PAX6: variants seen among roughly 807,000 people sequenced by gnomAD.
PAX6 encodes the protein paired box 6, also known as paired box protein Pax-6.
Under a neutral mutation model 60.7 loss-of-function variants are expected in PAX6, and 7 were observed. The observed-to-expected ratio is 0.12, with a 90% CI of 0.07 to 0.22. The LOEUF is 0.22. Among genes scored for constraint, PAX6 ranks in the 10% least tolerant of loss-of-function variants. PAX6 has a pLI of 1.00. For missense variants in PAX6, 355 were observed against 555.2 expected (o/e 0.64, Z 3.62); for synonymous variants, 208 against 201.2 (o/e 1.03, Z -0.29).
Position 31,800,796 on chromosome 11 carries a change from C to A in PAX6, c.460G>T (p.Asp154Tyr). The change falls in exon 8 of 14, where the codon GAC (aspartate) becomes TAC (tyrosine). Residue 154 changes from aspartate to tyrosine, a missense_variant. Physicochemically the swap from Asp to Tyr is radical, Grantham distance 160. Coordinates refer to ENST00000640368, the MANE Select transcript of PAX6 (RefSeq NM_001368894.2). ...ATCCTTAGTTTATCATACATGCCGTCTGCGCCCATCTGTTGCTTTTCGCTA... is the reference window on the plus strand; with the variant it reads ...ATCCTTAGTTTATCATACATGCCGTATGCGCCCATCTGTTGCTTTTCGCTA... ...LASEKQQMGA[D>Y]GMYDKLRMLN... The A allele has an allele frequency of 3.1e-6, 5 of 1,614,234 alleles. No individual in the cohort carries two copies. Among genetic ancestry groups the A allele is most frequent in the Non-Finnish European group, 4.2e-6 (5 of 1,180,036 alleles).
Position 31,794,309 on chromosome 11 carries a change from T to G in PAX6, c.725-195A>C, listed in dbSNP as rs147854685. 281 of 655,964 alleles carry G rather than the reference T, an allele frequency of 4.3e-4. 1 individual carries two copies. The African/African-American group carries it at 4.8e-3, about 11-fold the overall frequency. The allele number at this position is 655,964 out of a possible 1,614,324, so 40.6% of individuals were successfully genotyped here. On this transcript the variant is annotated intron_variant, in intron 9 of 13. Coordinates refer to ENST00000640368, the MANE Select transcript of PAX6 (RefSeq NM_001368894.2). Reference sequence around the variant, plus strand: ...AGTTAAATTTTCTTTGGAATGGCATTCAGTGACCTTTCTGTGGCCTGAAAT... The same window carrying G: ...AGTTAAATTTTCTTTGGAATGGCATGCAGTGACCTTTCTGTGGCCTGAAAT...
At chr11:31,802,478 A>G (rs1254905260) in intron 5 of PAX6, 1 of 516,766 alleles carries the variant, frequency 1.9e-6, no homozygotes, top group Non-Finnish European at 3.4e-6. Context: ...TTTCTGAAGC[A>G]GATGAGTTAT....
chr11:31,790,548 C>CTAATTAGCTTAACT (rs1949561368), intron 13 of PAX6, 162 bp downstream of exon 13: 2 of 954,938 alleles, frequency 2.1e-6, no homozygotes, highest in South Asian at 9.7e-5. Flanking sequence ...TGTAAAGTTA[C>CTAATTAGCTTAACT]TAATTAGCTT....
At position 31,793,569 on chromosome 11, in the gene PAX6, A is replaced by G. The variant is rs1327846714; in HGVS notation, c.959-16T>C. On this transcript the variant is annotated splice_polypyrimidine_tract_variant and intron_variant, in intron 11 of 13. Transcript: ENST00000640368. ...AAGGAGGAAACTGAGGGCAAGAGAA[A>G]TGACAGTAGTCAGAGTGAGAGTCAG... 6.2e-7 allele frequency: 1 copy of G among 1,613,844 alleles called. No individual in the cohort carries two copies.
At chr11:31,816,981 C>G (rs1233774247) in intron 1 of PAX6, among the ~76,000 whole-genome samples, 1 of 152,244 alleles carries the variant, frequency 6.6e-6, no homozygotes, top group Non-Finnish European at 1.5e-5. Flanking sequence ...TTGGGTCGTC[C>G]CTTCCCTGAC....
In PAX6 at chr11:31,793,442, A is replaced by T; in HGVS notation, c.1070T>A (p.Met357Lys). 1 of 1,613,992 alleles carries T rather than the reference A, an allele frequency of 6.2e-7. No homozygotes were observed. Among genetic ancestry groups the T allele is most frequent in the South Asian group, 1.1e-5 (1 of 91,082 alleles). Residue 357 changes from methionine (M) to lysine (K), a missense_variant, in exon 12 of 14, where the codon ATG (methionine) becomes AAG (lysine). Around this residue, in one of 5 missense-constraint regions of PAX6, gnomAD observed 149 missense variants for 191.9 expected, o/e 0.78. Transcript: ENST00000640368. ...GCCACCACCAGCCGCACTTACTTGC[A>T]TAGGCAGGTTATTTGCCATGGTGAA... The part of the protein sequence containing the change: ...PSFTMANNLP[M>K]QPPVPSQTSS...
Position 31,811,213 on chromosome 11 carries a change from C to G in PAX6, c.-415G>C, listed in dbSNP as rs1339131874. The G allele has an allele frequency of 5.0e-6, 2 of 399,282 alleles. No homozygotes were observed. Among genetic ancestry groups the G allele is most frequent in the Non-Finnish European group, 8.8e-6 (2 of 226,232 alleles). 24.7% of individuals were successfully genotyped at this position (399,282 alleles called of 1,614,324 possible). ...CACTGGCCCATTAGCGAAGCCTGAC[C>G]TCTGTCATCATCCTCCAGCAAAACA... On this transcript the variant is annotated 5_prime_UTR_variant, in exon 1 of 14. Coordinates refer to ENST00000640368, the MANE Select transcript of PAX6 (RefSeq NM_001368894.2).
At chr11:31,817,038 C>T (rs547452491) in intron 1 of PAX6, among the ~76,000 whole-genome samples, 4 of 152,366 alleles carry the variant, frequency 2.6e-5, no homozygotes, top group African/African-American at 7.2e-5. Flanking sequence ...CTCCAAGGGC[C>T]GCAGGGTGGT....
Position 31,789,588 on chromosome 11 carries a change from A to AC in PAX6, c.*345_*346insG, listed in dbSNP as rs1949098351. 1.6e-6 allele frequency: 1 copy of AC among 606,702 alleles called. No homozygotes were observed. Among genetic ancestry groups the AC allele is most frequent in the African/African-American group, 1.9e-5 (1 of 53,552 alleles). 37.6% of individuals were successfully genotyped at this position (606,702 alleles called of 1,614,324 possible). A position where few individuals can be genotyped will look rare whatever the true frequency, so the allele number is the denominator to read the frequency against. On this transcript the variant is annotated 3_prime_UTR_variant, in exon 14 of 14. Transcript: ENST00000640368. ...CATGGTTTTCTTTTTAAAAAAAAAA[A>AC]AAACAACTTCATGACCAACACAGAT...
chr11:31,801,408 ATT>A, intron 7 of PAX6, 151 bp downstream of exon 7: 1 of 1,530,598 alleles, frequency 6.5e-7, no homozygotes, highest in Non-Finnish European at 8.8e-7. Flanking sequence ...AAGTCAGGGC[ATT>A]CCTCTCTGTT....
upstream of PAX6, among the ~76,000 whole-genome samples, chr11:31,815,547 T>A (rs1957339280): frequency 6.6e-6 from 1 of 152,140 alleles, no homozygotes; most frequent in South Asian, 2.1e-4. Flanking sequence ...GCAAATGTCA[T>A]GGCTGGCTCG....
chr11:31,816,397 G>T, intron 1 of PAX6: 3 of 613,718 alleles, frequency 4.9e-6, no homozygotes. Flanking sequence ...GGAGGTCCTC[G>T]GCTCGCCCTG....
At chr11:31,802,260 C>A (rs1565242637) in intron 5 of PAX6, 4 of 338,800 alleles carry the variant, frequency 1.2e-5, no homozygotes, top group Non-Finnish European at 2.1e-5. Context: ...ATAGCATTTG[C>A]CTTTTAAAAT....
At chr11:31,802,983 G>A in intron 4 of PAX6, 149 bp from the exon 5 acceptor site, 2 of 798,112 alleles carry the variant, frequency 2.5e-6, no homozygotes, top group Non-Finnish European at 4.1e-6. Flanking sequence ...GAGAGGAGGA[G>A]GAGACAACCA....
chr11:31,802,274 T>A, intron 5 of PAX6: 1 of 331,056 alleles, frequency 3.0e-6, no homozygotes, highest in Non-Finnish European at 5.5e-6. Context: ...TTAAAATCAA[T>A]ATATATTATT....
chr11:31,817,907 G>T (rs1957453080), exon 1 of PAX6: 1 of 152,690 alleles, frequency 6.5e-6, no homozygotes, highest in African/African-American at 2.4e-5. Context: ...TGACAGCCGC[G>T]TTCTACGCGA....
At chr11:31,812,201 C>T (rs1957111357), upstream of PAX6, 1 of 151,556 alleles carries the variant, frequency 6.6e-6, no homozygotes, top group African/African-American at 2.4e-5. Context: ...TTTCGCAGCG[C>T]CCGAGAGGAG....
Position 31,793,771 on chromosome 11 carries a change from C to T in PAX6, c.839G>A (p.Arg280Lys). 1 of 1,614,154 alleles carries T rather than the reference C, an allele frequency of 6.2e-7. No individual in the cohort carries two copies. The highest frequency in any genetic ancestry group is 1.1e-5 in the South Asian group (1 of 91,082). ...CTGATTCCTCAGTTTTTCTTCTCTT[C>T]TCCATTTGGCCCTTCGATTAGAAAA... ...VWFSNRRAKW[R>K]REEKLRNQRR... The change falls in exon 11 of 14, where the codon AGA becomes AAA. Residue 280 changes from arginine (R) to lysine (K), a missense_variant. Transcript: ENST00000640368.
At chr11:31,807,440 TTTATCTTC>T (rs1180958242) in intron 2 of PAX6, 1 of 152,188 alleles carries the variant, frequency 6.6e-6, no homozygotes, top group East Asian at 1.9e-4. Context: ...CTGCTTACCC[TTTATCTTC>T]TACTCCTCTC....
Sources: allele counts gnomAD v4.1 joint callset (sites outside exome capture counted in the v4.1 genomes callset), GRCh38; gene constraint gnomAD v4.1.1; regional missense constraint gnomAD v4.1.1; transcripts MANE v1.5; gene names NCBI Gene and HGNC (gene_info 2026-07-23, HGNC 2026-07-21).